Variants in NRG3 observed in about 807,000 individuals in gnomAD.
NRG3 encodes the protein neuregulin 3.
In NRG3, 31 loss-of-function variants were observed where a neutral mutation model predicts 66.9. The ratio of observed to expected loss-of-function variants is 0.46; its 90% CI spans 0.35 to 0.63. NRG3 has a LOEUF of 0.63. Ranked by LOEUF, NRG3 falls within the 20% of genes least tolerant of loss-of-function variation. NRG3 has a pLI of 0.00. For synonymous variants in NRG3, 393 were observed against 359.4 expected, an observed-to-expected ratio of 1.09 and a Z score of -1.06; for missense variants, 910 against 878.9, an observed-to-expected ratio of 1.04 and a Z score of -0.45.
chr10:82,669,010 A>T (rs759107915), intron 2 of NRG3, among the ~76,000 whole-genome samples: 2 of 152,166 alleles, frequency 1.3e-5, no homozygotes, highest in Non-Finnish European at 2.9e-5. Context: ...AATCAATCAG[A>T]GGCCCTTCTC....
At chr10:81,951,636 G>A (rs2133194258) in intron 1 of NRG3, among the ~76,000 whole-genome samples, 1 of 152,266 alleles carries the variant, frequency 6.6e-6, no homozygotes, top group East Asian at 1.9e-4. Context: ...AAATGGCTCT[G>A]TTGTATTCAA....
chr10:82,585,230 C>T (rs780232191), intron 2 of NRG3, among the ~76,000 whole-genome samples: 3 of 151,562 alleles, frequency 2.0e-5, no homozygotes, highest in Non-Finnish European at 2.9e-5. Context: ...AAGTATTCTT[C>T]AACAAGAATA....
intron 4 of NRG3, among the ~76,000 whole-genome samples, chr10:82,910,120 A>G (rs570621199): frequency 6.6e-6 from 1 of 152,326 alleles, no homozygotes; most frequent in African/African-American, 2.4e-5. Context: ...ATGAGCTGAA[A>G]AATTATAGAG....
At chr10:82,047,831 A>C (rs2063382339) in intron 1 of NRG3, among the ~76,000 whole-genome samples, 1 of 152,118 alleles carries the variant, frequency 6.6e-6, no homozygotes, top group Non-Finnish European at 1.5e-5. Context: ...AATACCCATC[A>C]GTGTGCTATA....
chr10:82,242,124 C>G (rs893921868), intron 1 of NRG3, among the ~76,000 whole-genome samples: 1 of 151,966 alleles, frequency 6.6e-6, no homozygotes, highest in African/African-American at 2.4e-5. Flanking sequence ...TTGTTATAAG[C>G]CTTTCCTAAC....
At chr10:82,755,116 T>G (rs923331529) in intron 3 of NRG3, among the ~76,000 whole-genome samples, 1 of 152,090 alleles carries the variant, frequency 6.6e-6, no homozygotes, top group Admixed American at 6.6e-5. Flanking sequence ...TCAGGTAGTT[T>G]GAGTTTTTTT....
At chr10:81,948,170 G>A (rs1040964659) in intron 1 of NRG3, among the ~76,000 whole-genome samples, 1 of 152,062 alleles carries the variant, frequency 6.6e-6, no homozygotes, top group Non-Finnish European at 1.5e-5. Flanking sequence ...GAAAGTTGTT[G>A]TTTATGTTGT....
intron 1 of NRG3, among the ~76,000 whole-genome samples, chr10:82,077,041 C>G (rs1342561534): frequency 6.6e-6 from 1 of 152,070 alleles, no homozygotes; most frequent in Non-Finnish European, 1.5e-5. Context: ...GACTGCAACC[C>G]TAGAATAAAA....
chr10:82,720,162 G>A (rs2057211540), intron 2 of NRG3, among the ~76,000 whole-genome samples: 1 of 152,144 alleles, frequency 6.6e-6, no homozygotes, highest in African/African-American at 2.4e-5. Flanking sequence ...GGCCGAGGTG[G>A]GCTGATCACC....
chr10:82,925,365 T>G (rs931440742), intron 4 of NRG3, among the ~76,000 whole-genome samples: 35 of 152,354 alleles, frequency 2.3e-4, no homozygotes, highest in African/African-American at 8.4e-4. Context: ...AACTTATACT[T>G]TAGTTTCTCT....
chr10:81,988,662 T>C (rs1278659877), intron 1 of NRG3, among the ~76,000 whole-genome samples: 1 of 152,060 alleles, frequency 6.6e-6, no homozygotes, highest in African/African-American at 2.4e-5. Context: ...AGTTAGTGTT[T>C]TGTGTATAGT....
At chr10:82,202,344 C>T (rs955766312) in intron 1 of NRG3, among the ~76,000 whole-genome samples, 7 of 152,226 alleles carry the variant, frequency 4.6e-5, no homozygotes, top group Non-Finnish European at 8.8e-5. Flanking sequence ...TCCAGATCAT[C>T]ATCTTATGGA....
intron 4 of NRG3, among the ~76,000 whole-genome samples, chr10:82,930,198 G>A (rs574364559): frequency 3.3e-5 from 5 of 152,332 alleles, no homozygotes; most frequent in African/African-American, 7.2e-5. Context: ...CCTCAGTACT[G>A]TTGTTAGAAC....
chr10:82,923,853 G>A (rs940655680), intron 4 of NRG3, among the ~76,000 whole-genome samples: 2 of 151,892 alleles, frequency 1.3e-5, no homozygotes, highest in Admixed American at 6.6e-5. Flanking sequence ...AGAGGGCCGG[G>A]CACAGAGGTC....
intron 2 of NRG3, among the ~76,000 whole-genome samples, chr10:82,647,855 GT>G (rs1266313595): frequency 6.7e-6 from 1 of 149,758 alleles, no homozygotes; most frequent in Non-Finnish European, 1.5e-5. Context: ...GGGGTTGTTT[GT>G]TTTTTTCTTG....
intron 3 of NRG3, among the ~76,000 whole-genome samples, chr10:82,751,788 C>T (rs1490008646): frequency 2.6e-5 from 4 of 152,120 alleles, no homozygotes; most frequent in Non-Finnish European, 4.4e-5. Flanking sequence ...GCATGACCTA[C>T]CATAGAATAC....
intron 2 of NRG3, among the ~76,000 whole-genome samples, chr10:82,675,879 G>A (rs935569836): frequency 1.3e-5 from 2 of 152,064 alleles, no homozygotes; most frequent in Non-Finnish European, 2.9e-5. Flanking sequence ...TTACAAATAA[G>A]CACAGATCAT....
chr10:82,524,603 A>G (rs1263807555), intron 2 of NRG3, among the ~76,000 whole-genome samples: 1 of 151,926 alleles, frequency 6.6e-6, no homozygotes, highest in African/African-American at 2.4e-5. Flanking sequence ...AATCACTTTT[A>G]GGTTACATAT....
chr10:82,144,134 A>G (rs1040743838), intron 1 of NRG3, among the ~76,000 whole-genome samples: 20 of 151,940 alleles, frequency 1.3e-4, no homozygotes, highest in African/African-American at 4.8e-4. Context: ...TCCCTTTACT[A>G]TTTAATATTC....
Sources: gnomAD v4.1 joint callset for allele counts (sites outside exome capture counted in the v4.1 genomes callset) on GRCh38, gnomAD v4.1.1 for gene constraint, MANE v1.5 for transcripts, NCBI Gene and HGNC (gene_info 2026-07-23, HGNC 2026-07-21) for gene names.